The following FER1L6 variants were observed in gnomAD, a reference collection of about 807,000 sequenced individuals.
FER1L6 encodes fer-1-like protein 6.
FER1L6 carries 177 observed loss-of-function variants against 219.2 expected under a neutral mutation model. The ratio of observed to expected loss-of-function variants is 0.81; its 90% CI spans 0.71 to 0.91. The LOEUF (loss-of-function observed/expected upper bound fraction) is 0.91, where lower values mean the gene tolerates loss of function less well. Ranked by LOEUF, FER1L6 falls within the 40% of genes least tolerant of loss-of-function variation. The pLI, the probability that FER1L6 is intolerant of heterozygous loss-of-function variation, is 0.00. For missense variants in FER1L6, 2,153 were observed against 2,259.9 expected, an observed-to-expected ratio of 0.95 and a Z score of 0.96; for synonymous variants, 768 against 824.3, an observed-to-expected ratio of 0.93 and a Z score of 1.17.
At chr8:124,059,329 G>A (rs1820450928) in intron 22 of FER1L6, among the ~76,000 whole-genome samples, 1 of 152,174 alleles carries the variant, frequency 6.6e-6, no homozygotes, top group South Asian at 2.1e-4. Flanking sequence ...CCTTATTTCT[G>A]GACTCAGTCC....
chr8:123,893,675 T>G (rs560515609), intron 1 of FER1L6, among the ~76,000 whole-genome samples: 17 of 152,218 alleles, frequency 1.1e-4, no homozygotes, highest in Non-Finnish European at 2.1e-4. Flanking sequence ...AGGAATTGAT[T>G]ATTTTCCCAG....
Position 123,975,942 on chromosome 8 carries a change from C to T in FER1L6, c.728C>T (p.Ala243Val), listed in dbSNP as rs1816050135. The change falls in exon 9 of 41, where the codon GCC becomes GTC. Residue 243 changes from alanine to valine, a missense_variant. Physicochemically the swap from Ala to Val is moderately conservative, Grantham distance 64. Coordinates refer to ENST00000522917, the MANE Select transcript of FER1L6 (RefSeq NM_001039112.2). Reference protein sequence around the residue: ...PNGFPLERPWARFYVRLYKAE... With the variant: ...PNGFPLERPWVRFYVRLYKAE... Reference sequence around the variant, plus strand: ...GGGTTTCCACTGGAGAGACCGTGGGCCAGATTCTATGTGAGACTCTACAAA... The same window carrying T: ...GGGTTTCCACTGGAGAGACCGTGGGTCAGATTCTATGTGAGACTCTACAAA... 2 of 1,613,274 alleles carry T rather than the reference C, an allele frequency of 1.2e-6. No individual in the cohort carries two copies. The highest frequency in any genetic ancestry group is 1.7e-6 in the Non-Finnish European group (2 of 1,179,634).
intron 1 of FER1L6, among the ~76,000 whole-genome samples, chr8:123,856,172 G>T: frequency 1.2e-5 from 1 of 82,824 alleles, no homozygotes; most frequent in African/African-American, 4.8e-5. Context: ...ATGTGTATGA[G>T]ATATATGTAT....
chr8:124,046,213 T>C, intron 21 of FER1L6: 1 of 212,016 alleles, frequency 4.7e-6, no homozygotes, highest in South Asian at 1.3e-4. Flanking sequence ...CCTGCAACTG[T>C]ACCCAGCCTC....
rs187391927 is a variant in FER1L6, at chr8:123,870,814, T to C, written c.-8+18629T>C. Among the ~76,000 whole-genome samples the C allele has an allele frequency of 2.6e-4, 40 of 152,228 alleles. No individual in the cohort carries two copies. The East Asian group carries it at 3.3e-3, about 12-fold the overall frequency. On this transcript the variant is annotated intron_variant, in intron 1 of 40. Transcript: ENST00000522917. ...TGATATATACAAATTTAAATAATCATGTAAGAGGTTGAAGGATCCCAAGAT... is the reference window on the plus strand; with the variant it reads ...TGATATATACAAATTTAAATAATCACGTAAGAGGTTGAAGGATCCCAAGAT...
intron 29 of FER1L6, 134 bp from the exon 30 acceptor site, chr8:124,070,333 A>G: frequency 4.5e-6 from 4 of 888,752 alleles, no homozygotes; most frequent in South Asian, 3.4e-5. Flanking sequence ...CTCACTGAAG[A>G]TAAATTACCA....
chr8:123,987,319 T>C (rs1044051822), intron 12 of FER1L6, among the ~76,000 whole-genome samples: 1 of 152,242 alleles, frequency 6.6e-6, no homozygotes, highest in African/African-American at 2.4e-5. Flanking sequence ...TATGTCTTTT[T>C]TTGAGAAATG....
chr8:124,098,351 G>C (rs1822399587), intron 37 of FER1L6, among the ~76,000 whole-genome samples: 1 of 152,122 alleles, frequency 6.6e-6, no homozygotes, highest in African/African-American at 2.4e-5. Flanking sequence ...TCTTGGCTCT[G>C]CTTCCTTTTG....
At chr8:124,072,185 G>T (rs1821108960) in intron 31 of FER1L6, among the ~76,000 whole-genome samples, 1 of 152,192 alleles carries the variant, frequency 6.6e-6, no homozygotes, top group South Asian at 2.1e-4. Context: ...GGAAAGACGG[G>T]GGGAAGGACC....
At chr8:123,946,573 T>G (rs953630868) in intron 1 of FER1L6, among the ~76,000 whole-genome samples, 1 of 152,164 alleles carries the variant, frequency 6.6e-6, no homozygotes, top group Non-Finnish European at 1.5e-5. Flanking sequence ...TGGTTTTGAT[T>G]AGTGGTTTTC....
intron 21 of FER1L6, among the ~76,000 whole-genome samples, chr8:124,048,725 G>A (rs187597390): frequency 1.4e-4 from 22 of 152,304 alleles, no homozygotes; most frequent in Middle Eastern, 3.4e-3. Flanking sequence ...CTATGGAAAG[G>A]TATTACTTTT....
Position 124,039,963 on chromosome 8 carries a change from C to T in FER1L6, c.2546C>T (p.Pro849Leu), listed in dbSNP as rs1022974770. 1 of 1,614,158 alleles carries T rather than the reference C, an allele frequency of 6.2e-7. No homozygotes were observed. ...GCTGACAGCAATGGACTTTCAGACCCTTTTGCCAAAGTCACGTTCCTTTCT... is the reference window on the plus strand; with the variant it reads ...GCTGACAGCAATGGACTTTCAGACCTTTTTGCCAAAGTCACGTTCCTTTCT... Reference protein sequence around the residue: ...IAADSNGLSDPFAKVTFLSHC... With the variant: ...IAADSNGLSDLFAKVTFLSHC... Residue 849 changes from proline to leucine, a missense_variant, in exon 20 of 41, where the codon CCT (proline) becomes CTT (leucine). Coordinates refer to ENST00000522917, the MANE Select transcript of FER1L6 (RefSeq NM_001039112.2).
intron 18 of FER1L6, among the ~76,000 whole-genome samples, chr8:124,024,315 A>G (rs1343133921): frequency 6.6e-6 from 1 of 152,004 alleles, no homozygotes; most frequent in African/African-American, 2.4e-5. Context: ...GTAGTGTACA[A>G]TGTATGAATA....
At chr8:123,930,276 G>A (rs1462141443) in intron 1 of FER1L6, among the ~76,000 whole-genome samples, 1 of 152,038 alleles carries the variant, frequency 6.6e-6, no homozygotes, top group Non-Finnish European at 1.5e-5. Flanking sequence ...ATACAGAATA[G>A]CTCCATTGCC....
chr8:123,852,252 C>T lies in FER1L6; in HGVS notation c.-8+67C>T, dbSNP rs1282321938. 6.6e-6 allele frequency: 1 copy of T among 152,192 alleles called. No individual in the cohort carries two copies. Among genetic ancestry groups the T allele is most frequent in the Non-Finnish European group, 1.5e-5 (1 of 68,056 alleles). The allele number at this position is 152,192 out of a possible 1,614,324, so 9.4% of individuals were successfully genotyped here. A position where few individuals can be genotyped will look rare whatever the true frequency, so the allele number is the denominator to read the frequency against. On this transcript the variant is annotated intron_variant, in intron 1 of 40. Transcript: ENST00000522917. This position sits in a 1 kb window ranked among gnomAD's most constrained non-coding sequence, Gnocchi z 4.9. ...AGGGAAGGCAAGTTCATATCCAGAG[C>T]AAATGTGTATTCCAGTAAGGACAAA...
chr8:123,865,576 C>T (rs2130264312), intron 1 of FER1L6, among the ~76,000 whole-genome samples: 1 of 151,536 alleles, frequency 6.6e-6, no homozygotes, highest in East Asian at 1.9e-4. Flanking sequence ...GCCCCTCCCC[C>T]AGCCTCGCTG....
intron 1 of FER1L6, chr8:123,924,760 T>C (rs1405484316): frequency 6.6e-6 from 1 of 152,072 alleles, no homozygotes; most frequent in Non-Finnish European, 1.5e-5. Flanking sequence ...ACACAAATCA[T>C]TTTCTGTGGT....
chr8:124,115,889 A>T (rs1429597104), intron 39 of FER1L6, among the ~76,000 whole-genome samples: 3 of 152,202 alleles, frequency 2.0e-5, no homozygotes. Context: ...ACTATTTGCT[A>T]TATGTGTTGT....
intron 33 of FER1L6, among the ~76,000 whole-genome samples, chr8:124,089,321 T>C (rs1821920539): frequency 6.6e-6 from 1 of 152,168 alleles, no homozygotes; most frequent in Non-Finnish European, 1.5e-5. Flanking sequence ...CCCACAATTA[T>C]TGTGTTCTTC....
Sources: gnomAD v4.1 joint callset for allele counts (sites outside exome capture counted in the v4.1 genomes callset) on GRCh38, gnomAD v4.1.1 for gene constraint, Gnocchi (gnomAD v3.1) non-coding constraint, MANE v1.5 for transcripts, NCBI Gene and HGNC (gene_info 2026-07-23, HGNC 2026-07-21) for gene names.